SH3RF3: variants seen among roughly 807,000 people sequenced by gnomAD.
The protein encoded by SH3RF3 is E3 ubiquitin-protein ligase SH3RF3.
In SH3RF3, 29 loss-of-function variants were observed where a neutral mutation model predicts 66.3. The ratio of observed to expected loss-of-function variants is 0.44; its 90% CI spans 0.33 to 0.60. The LOEUF (loss-of-function observed/expected upper bound fraction) is 0.60, where lower values mean the gene tolerates loss of function less well. SH3RF3 is among the 20% of genes least tolerant of loss of function. SH3RF3 has a pLI of 0.04. For synonymous variants in SH3RF3, 583 were observed against 532.0 expected, an observed-to-expected ratio of 1.10 and a Z score of -1.32; for missense variants, 1,194 against 1,190.9, an observed-to-expected ratio of 1.00 and a Z score of -0.04.
chr2:109,376,806 T>C (rs1241425885), intron 3 of SH3RF3, among the ~76,000 whole-genome samples: 1 of 152,218 alleles, frequency 6.6e-6, no homozygotes, highest in East Asian at 1.9e-4. Flanking sequence ...CCAAGGATCC[T>C]TAGAGACAGC....
intron 5 of SH3RF3, among the ~76,000 whole-genome samples, chr2:109,432,053 C>T (rs1483292241): frequency 6.6e-6 from 1 of 152,154 alleles, no homozygotes; most frequent in African/African-American, 2.4e-5. Context: ...GAAAACCCAG[C>T]CCAAGAATAG....
In SH3RF3 at chr2:109,419,439, G is replaced by A. The variant is rs115924890; in HGVS notation, c.1300-100G>A. The A allele has an allele frequency of 2.2e-5, 28 of 1,256,576 alleles. No homozygotes were observed. The African/African-American group carries it at 2.4e-4, about 11-fold the overall frequency. 77.8% of individuals were successfully genotyped at this position (1,256,576 alleles called of 1,614,324 possible). ...GAGGCCAAACAGCCAGGCAGCTGGC[G>A]AAGCACAGGCACCTGTGGATGCAGC... On this transcript the variant is annotated intron_variant, in intron 4 of 9. Transcript: ENST00000309415.
chr2:109,242,531 A>G (rs1452022982), intron 1 of SH3RF3, among the ~76,000 whole-genome samples: 1 of 152,164 alleles, frequency 6.6e-6, no homozygotes, highest in African/African-American at 2.4e-5. Context: ...GTGAATGGCA[A>G]CAAGGCCAAG....
chr2:109,363,166 G>T (rs572514957), intron 2 of SH3RF3, among the ~76,000 whole-genome samples: 1 of 151,836 alleles, frequency 6.6e-6, no homozygotes, highest in East Asian at 1.9e-4. Flanking sequence ...TCGGTCTTTT[G>T]TGGTTTTTAT....
At chr2:109,387,992 C>T (rs1675871402) in intron 3 of SH3RF3, among the ~76,000 whole-genome samples, 1 of 152,140 alleles carries the variant, frequency 6.6e-6, no homozygotes, top group South Asian at 2.1e-4. Context: ...TCCTCGGTCC[C>T]TGTTCAGGAG....
intron 1 of SH3RF3, among the ~76,000 whole-genome samples, chr2:109,238,888 C>T (rs558583430): frequency 2.2e-4 from 34 of 152,292 alleles, no homozygotes; most frequent in African/African-American, 8.2e-4. Context: ...GATACAGCTC[C>T]ACTGTGGTCA....
intron 1 of SH3RF3, among the ~76,000 whole-genome samples, chr2:109,300,820 A>C (rs1461896196): frequency 6.6e-6 from 1 of 152,166 alleles, no homozygotes; most frequent in Non-Finnish European, 1.5e-5. Context: ...TGTCATTACC[A>C]CAGTCTTTGC....
At chr2:109,329,392 G>A (rs1318059393) in intron 1 of SH3RF3, among the ~76,000 whole-genome samples, 3 of 152,244 alleles carry the variant, frequency 2.0e-5, no homozygotes, top group Non-Finnish European at 4.4e-5. Context: ...GAATCAAGTG[G>A]ACCTGCAGGT....
chr2:109,140,712 G>C (rs1439771494), intron 1 of SH3RF3, among the ~76,000 whole-genome samples: 1 of 152,162 alleles, frequency 6.6e-6, no homozygotes, highest in Non-Finnish European at 1.5e-5. Context: ...ATGGGAAATA[G>C]AATTTTTTCC....
chr2:109,427,858 A>C (rs1397170534), intron 5 of SH3RF3, among the ~76,000 whole-genome samples: 1 of 152,258 alleles, frequency 6.6e-6, no homozygotes, highest in African/African-American at 2.4e-5. Context: ...GAAGAGGCGA[A>C]GGCAGCAGTG....
intron 3 of SH3RF3, among the ~76,000 whole-genome samples, chr2:109,397,990 C>T (rs1676196245): frequency 6.6e-6 from 1 of 152,238 alleles, no homozygotes; most frequent in African/African-American, 2.4e-5. Flanking sequence ...ATTGACACCT[C>T]CTGGGGTATG....
chr2:109,288,496 C>G (rs1046022762), intron 1 of SH3RF3, among the ~76,000 whole-genome samples: 2 of 152,096 alleles, frequency 1.3e-5, no homozygotes. Context: ...TTATTTCCTC[C>G]CAAAATAGAG....
intron 1 of SH3RF3, among the ~76,000 whole-genome samples, chr2:109,245,726 C>G (rs1345263284): frequency 6.6e-6 from 1 of 152,130 alleles, no homozygotes; most frequent in African/African-American, 2.4e-5. Flanking sequence ...TTAACAAATT[C>G]AGGAAATTCA....
intron 4 of SH3RF3, among the ~76,000 whole-genome samples, chr2:109,404,826 A>G (rs1486687816): frequency 6.6e-6 from 1 of 152,000 alleles, no homozygotes. Flanking sequence ...ACAGTTACCA[A>G]TGCCCTGTCC....
In SH3RF3 at chr2:109,413,530, C is replaced by G. The variant is rs1676647863; in HGVS notation, c.1300-6009C>G. Among the ~76,000 whole-genome samples the G allele has an allele frequency of 2.0e-5, 3 of 152,190 alleles. No individual in the cohort carries two copies. In the South Asian group the frequency reaches 6.2e-4, roughly 31 times the overall value. On this transcript the variant is annotated intron_variant, in intron 4 of 9. Coordinates refer to ENST00000309415, the MANE Select transcript of SH3RF3 (RefSeq NM_001099289.3). ...TATCTCTGTCTGTCTACCTCTGTCT[C>G]TCTCTGTGTCTCTGTGTCTTCCTGT...
rs573150659 is a variant in SH3RF3, at chr2:109,303,483, G to C, written c.574-44191G>C. Among the ~76,000 whole-genome samples the C allele has an allele frequency of 2.6e-5, 4 of 152,324 alleles. No individual in the cohort carries two copies. In the South Asian group the frequency reaches 8.3e-4, roughly 32 times the overall value. Reference sequence around the variant, plus strand: ...ACACTAAGAAGATGAAACTTTTTAAGTGAAAATATTTTCAGGCCTAGGTAG... The same window carrying C: ...ACACTAAGAAGATGAAACTTTTTAACTGAAAATATTTTCAGGCCTAGGTAG... On this transcript the variant is annotated intron_variant, in intron 1 of 9. Transcript: ENST00000309415.
intron 1 of SH3RF3, among the ~76,000 whole-genome samples, chr2:109,159,373 G>A (rs910435127): frequency 2.6e-5 from 4 of 152,246 alleles, no homozygotes; most frequent in East Asian, 1.9e-4. Flanking sequence ...GGGTGTATGC[G>A]TGCAGAAGGG....
chr2:109,229,554 G>A (rs912004744), intron 1 of SH3RF3, among the ~76,000 whole-genome samples: 2 of 152,096 alleles, frequency 1.3e-5, no homozygotes, highest in African/African-American at 4.8e-5. Flanking sequence ...TTTGGGATGT[G>A]GGCTCTGAAT....
chr2:109,428,943 C>T lies in SH3RF3; in HGVS notation c.1404-3558C>T, dbSNP rs566057823. On this transcript the variant is annotated intron_variant, in intron 5 of 9. Transcript: ENST00000309415. ...TGCCAGACCCAGGTGCATGTGTCTA[C>T]GAAGACTGGCTCGCCACTGAGTGCA... Among the ~76,000 whole-genome samples the T allele has an allele frequency of 5.3e-5, 8 of 152,314 alleles. No individual in the cohort carries two copies. In the East Asian group the frequency reaches 7.7e-4, roughly 15 times the overall value.
Sources: allele counts gnomAD v4.1 joint callset (sites outside exome capture counted in the v4.1 genomes callset), GRCh38; gene constraint gnomAD v4.1.1; transcripts MANE v1.5; gene names NCBI Gene and HGNC (gene_info 2026-07-23, HGNC 2026-07-21).